The following C3orf70 variants were observed in gnomAD, a reference collection of about 807,000 sequenced individuals.
C3orf70 encodes chromosome 3 open reading frame 70.
C3orf70 carries 15 observed loss-of-function variants against 20.7 expected under a neutral mutation model. The observed-to-expected ratio is 0.72, with a 90% confidence interval of 0.48 to 1.11. C3orf70 has a LOEUF of 1.11. Among genes scored for constraint, C3orf70 ranks in the 50% most tolerant of loss-of-function variants. C3orf70 has a pLI of 0.00. For synonymous variants in C3orf70, 161 were observed against 125.7 expected, an observed-to-expected ratio of 1.28 and a Z score of -1.88; for missense variants, 332 against 317.6, an observed-to-expected ratio of 1.05 and a Z score of -0.34.
At chr3:185,101,285 A>G (rs1181944928) in intron 1 of C3orf70, among the ~76,000 whole-genome samples, 3 of 152,204 alleles carry the variant, frequency 2.0e-5, no homozygotes, top group Non-Finnish European at 4.4e-5. Flanking sequence ...ATCCTCAACA[A>G]AATACTCGCA....
chr3:185,129,809 T>C (rs1332651767), intron 1 of C3orf70, among the ~76,000 whole-genome samples: 1 of 152,218 alleles, frequency 6.6e-6, no homozygotes. Flanking sequence ...AATTATAACA[T>C]GCTTATTCAT....
At chr3:185,091,932 TATATATATATATATATATATATATATA>T (rs1715588121) in intron 1 of C3orf70, among the ~76,000 whole-genome samples, 1 of 5,850 alleles carries the variant, frequency 1.7e-4, no homozygotes, top group African/African-American at 4.8e-4. Flanking sequence ...TATATATATA[TATATATATATATATATATATATATATA>T]TATATTTTTT....
intron 1 of C3orf70, among the ~76,000 whole-genome samples, chr3:185,111,934 T>G (rs1210873887): frequency 6.6e-6 from 1 of 152,158 alleles, no homozygotes; most frequent in African/African-American, 2.4e-5. Context: ...AAGAGAACAA[T>G]GCATAAATGA....
intron 1 of C3orf70, among the ~76,000 whole-genome samples, chr3:185,110,659 G>A (rs756659703): frequency 6.6e-6 from 1 of 152,184 alleles, no homozygotes; most frequent in Admixed American, 6.5e-5. Context: ...GAAGGTTGTG[G>A]GTTTATGGGA....
chr3:185,151,088 T>C (rs1018217611), intron 1 of C3orf70, among the ~76,000 whole-genome samples: 1 of 152,210 alleles, frequency 6.6e-6, no homozygotes, highest in East Asian at 1.9e-4. Context: ...TTGTTCTATA[T>C]GATTTCATAA....
chr3:185,117,048 T>C (rs1436208672), intron 1 of C3orf70, among the ~76,000 whole-genome samples: 1 of 152,222 alleles, frequency 6.6e-6, no homozygotes, highest in Non-Finnish European at 1.5e-5. Flanking sequence ...CCCAAAGTGC[T>C]GGGATTACAG....
At chr3:185,136,290 A>G (rs1300409835) in intron 1 of C3orf70, among the ~76,000 whole-genome samples, 1 of 152,212 alleles carries the variant, frequency 6.6e-6, no homozygotes, top group Non-Finnish European at 1.5e-5. Context: ...ATCAGACAAA[A>G]GAACTACAAA....
At chr3:185,134,842 C>G (rs1308045857) in intron 1 of C3orf70, among the ~76,000 whole-genome samples, 1 of 152,036 alleles carries the variant, frequency 6.6e-6, no homozygotes, top group African/African-American at 2.4e-5. Flanking sequence ...ACTGAGGCCC[C>G]CCATGGTGGT....
chr3:185,118,784 A>G (rs948240159), intron 1 of C3orf70, among the ~76,000 whole-genome samples: 1 of 152,218 alleles, frequency 6.6e-6, no homozygotes, highest in African/African-American at 2.4e-5. Flanking sequence ...AGATTCATGT[A>G]TGACTTCTAG....
chr3:185,105,261 C>A (rs1181263154), intron 1 of C3orf70, among the ~76,000 whole-genome samples: 1 of 152,240 alleles, frequency 6.6e-6, no homozygotes, highest in Non-Finnish European at 1.5e-5. Context: ...TGGCCATACA[C>A]AAAATCTCTG....
intron 1 of C3orf70, among the ~76,000 whole-genome samples, chr3:185,096,039 C>T (rs1300735232): frequency 2.6e-5 from 4 of 152,106 alleles, no homozygotes; most frequent in Non-Finnish European, 4.4e-5. Flanking sequence ...CTGGCCAAAA[C>T]TTCATTTTTT....
intron 1 of C3orf70, among the ~76,000 whole-genome samples, chr3:185,132,645 A>G (rs1393330980): frequency 6.6e-6 from 1 of 152,188 alleles, no homozygotes; most frequent in East Asian, 1.9e-4. Context: ...GAAAACGTAT[A>G]ATACATATCT....
chr3:185,100,402 C>T (rs1715798889), intron 1 of C3orf70, among the ~76,000 whole-genome samples: 1 of 152,074 alleles, frequency 6.6e-6, no homozygotes, highest in South Asian at 2.1e-4. Context: ...TCTGTCAAAA[C>T]CATACAATTA....
At chr3:185,098,846 A>G (rs1051879329) in intron 1 of C3orf70, among the ~76,000 whole-genome samples, 2 of 152,180 alleles carry the variant, frequency 1.3e-5, no homozygotes, top group African/African-American at 4.8e-5. Flanking sequence ...CAGAAATACC[A>G]GCTTCCCAAG....
intron 1 of C3orf70, among the ~76,000 whole-genome samples, chr3:185,110,205 TA>T (rs1716041634): frequency 6.6e-6 from 1 of 152,078 alleles, no homozygotes; most frequent in African/African-American, 2.4e-5. Flanking sequence ...TGGTAAAGAA[TA>T]AAAAAGCATC....
intron 1 of C3orf70, among the ~76,000 whole-genome samples, chr3:185,145,111 T>G (rs748344573): frequency 4.6e-5 from 7 of 152,246 alleles, no homozygotes; most frequent in Non-Finnish European, 1.0e-4. Context: ...AGACAACTTC[T>G]GGTTGCCGAA....
In C3orf70 at chr3:185,083,147, CG is replaced by C. The variant is rs777542727; in HGVS notation, c.612del (p.Asp204GlufsTer10). ...AIGAHYVESC[D>X]EDTEEGAELS... ...AGTTCTGCTCCTTCTTCTGTGTCCT[CG>C]TCACACGATTCCACATAGTGAGCCC... On this transcript the variant is annotated frameshift_variant, in exon 2 of 2. Transcript: ENST00000335012. LOFTEE classifies it high-confidence loss of function. 3 of 1,614,154 alleles carry C rather than the reference CG, an allele frequency of 1.9e-6. No homozygotes were observed. In the East Asian group the frequency reaches 6.7e-5, roughly 36 times the overall value.
intron 1 of C3orf70, among the ~76,000 whole-genome samples, chr3:185,121,821 C>T (rs982826963): frequency 3.9e-5 from 6 of 152,144 alleles, no homozygotes; most frequent in Non-Finnish European, 8.8e-5. Context: ...AGAGCATGGC[C>T]GGGCATGGTG....
chr3:185,088,659 A>G (rs1715506593), intron 1 of C3orf70, among the ~76,000 whole-genome samples: 1 of 152,170 alleles, frequency 6.6e-6, no homozygotes, highest in African/African-American at 2.4e-5. Context: ...GATGTTTATT[A>G]ACTTTGTGGT....
Sources: allele counts gnomAD v4.1 joint callset (sites outside exome capture counted in the v4.1 genomes callset), GRCh38; gene constraint gnomAD v4.1.1; transcripts MANE v1.5; gene names NCBI Gene and HGNC (gene_info 2026-07-23, HGNC 2026-07-21).